Variants in CRISPLD2 observed in about 807,000 individuals in gnomAD.
The protein encoded by CRISPLD2 is cysteine-rich secretory protein LCCL domain-containing 2.
A neutral mutation model predicts 71.1 loss-of-function variants in CRISPLD2; 47 were observed. The ratio of observed to expected loss-of-function variants is 0.66; its 90% CI spans 0.52 to 0.84. CRISPLD2 has a LOEUF of 0.84. CRISPLD2 is among the 40% of genes least tolerant of loss of function. The probability of loss-of-function intolerance (pLI) is 0.00; values close to 1 mark genes in which losing one functional copy is unlikely to be tolerated. For synonymous variants in CRISPLD2, 317 were observed against 250.1 expected (o/e 1.27, Z -2.52); for missense variants, 830 against 651.1 (o/e 1.27, Z -2.99).
intron 11 of CRISPLD2, 78 bp from the exon 12 acceptor site, chr16:84,877,360 T>G: frequency 7.7e-7 from 1 of 1,299,864 alleles, no homozygotes; most frequent in Non-Finnish European, 1.1e-6. Flanking sequence ...GGTAGTCTAG[T>G]GGCCCATTGC....
At chr16:84,852,085 T>C (rs1162038629) in intron 5 of CRISPLD2, among the ~76,000 whole-genome samples, 4 of 152,192 alleles carry the variant, frequency 2.6e-5, no homozygotes, top group African/African-American at 9.7e-5. Flanking sequence ...GGGAGCTCTC[T>C]TCCTGGCTCA....
At chr16:84,892,179 A>C (rs1269399199) in intron 14 of CRISPLD2, among the ~76,000 whole-genome samples, 1 of 152,162 alleles carries the variant, frequency 6.6e-6, no homozygotes, top group Non-Finnish European at 1.5e-5. Flanking sequence ...TCCCCAGGCC[A>C]ACAGTGTCCA....
chr16:84,886,984 G>T (rs1363289573), intron 13 of CRISPLD2, among the ~76,000 whole-genome samples: 5 of 152,108 alleles, frequency 3.3e-5, no homozygotes, highest in African/African-American at 4.8e-5. Context: ...CTTCCCCTCC[G>T]CCAGCCCCTG....
At position 84,867,030 on chromosome 16, in the gene CRISPLD2, C is replaced by T. The variant is rs1248250665; in HGVS notation, c.843C>T (p.Val281=). 6.2e-7 allele frequency: 1 copy of T among 1,614,082 alleles called. No individual in the cohort carries two copies. Among genetic ancestry groups the T allele is most frequent in the East Asian group, 2.2e-5 (1 of 44,866 alleles). Residue 281 remains valine, a synonymous_variant, in exon 7 of 15, where the codon GTC becomes GTT. Transcript: ENST00000262424. ...RPTKPKKTSA[V]NYMTQVVRCD... Reference sequence around the variant, plus strand: ...CCAAGCCCAAGAAAACCTCTGCGGTCAACTACATGAGTGAGTCTAGGCCGT... The same window carrying T: ...CCAAGCCCAAGAAAACCTCTGCGGTTAACTACATGAGTGAGTCTAGGCCGT...
chr16:84,831,688 G>A (rs368375858), intron 1 of CRISPLD2, among the ~76,000 whole-genome samples: 2 of 152,162 alleles, frequency 1.3e-5, no homozygotes, highest in East Asian at 3.9e-4. Context: ...TTATAGATGT[G>A]AGTCACCGCA....
At chr16:84,889,441 G>C (rs2071642068) in intron 14 of CRISPLD2, 78 bp downstream of exon 14, 7 of 1,459,628 alleles carry the variant, frequency 4.8e-6, no homozygotes, top group South Asian at 1.3e-5. Context: ...AAGAGGCCCA[G>C]AGTCATTACC....
chr16:84,868,769 AGAATGTCCCT>A (rs1917611098), intron 7 of CRISPLD2, 72 bp from the exon 8 acceptor site: 1 of 1,119,568 alleles, frequency 8.9e-7, no homozygotes. Context: ...AGAATGTTCC[AGAATGTCCCT>A]CAGCATGGGG....
intron 13 of CRISPLD2, among the ~76,000 whole-genome samples, chr16:84,885,708 T>C (rs1348114397): frequency 1.3e-5 from 2 of 152,242 alleles, no homozygotes; most frequent in Non-Finnish European, 2.9e-5. Context: ...AATCCACTTT[T>C]CAGGTCTTTG....
chr16:84,871,827 C>T (rs1254305364), intron 8 of CRISPLD2, among the ~76,000 whole-genome samples: 1 of 128,702 alleles, frequency 7.8e-6, no homozygotes. Context: ...GCTGGGATTA[C>T]AGGTGTGAGC....
In CRISPLD2 at chr16:84,855,484, C is replaced by G. The variant is rs1250037874; in HGVS notation, c.709+655C>G. Among the ~76,000 whole-genome samples, 5 of 152,172 alleles carry G rather than the reference C, an allele frequency of 3.3e-5. No homozygotes were observed. The South Asian group carries it at 6.2e-4, about 19-fold the overall frequency. On this transcript the variant is annotated intron_variant, in intron 6 of 14. Transcript: ENST00000262424. ...GCTCCCAGTCTCCACCTAAGTCAGT[C>G]TAGTCTTTTCACATTTTTCTGCCTG... is the stretch of plus-strand genomic sequence containing the variant.
chr16:84,830,027 T>C (rs1283862687), intron 1 of CRISPLD2, among the ~76,000 whole-genome samples: 2 of 152,188 alleles, frequency 1.3e-5, no homozygotes, highest in Non-Finnish European at 2.9e-5. Context: ...TGAGAGCTGA[T>C]AGTTACATTT....
rs1436186938 is a variant in CRISPLD2 at position 84,838,703 on chromosome 16, G to T, written c.208G>T (p.Val70Leu). 6.2e-7 allele frequency: 1 copy of T among 1,614,070 alleles called. No individual in the cohort carries two copies. The highest frequency in any genetic ancestry group is 8.5e-7 in the Non-Finnish European group (1 of 1,180,040). The change falls in exon 2 of 15, where the codon GTG (valine) becomes TTG (leucine). Residue 70 changes from valine (V) to leucine (L), a missense_variant. Transcript: ENST00000262424. ...GCTGCACAACAAGCTTCGGGGCCAG[G>T]TGCAGCCTCAGGCCTCCAACATGGA... Reference protein sequence around the residue: ...LMLHNKLRGQVQPQASNMEYM... With the variant: ...LMLHNKLRGQLQPQASNMEYM...
intron 14 of CRISPLD2, among the ~76,000 whole-genome samples, chr16:84,899,038 G>A (rs962931199): frequency 1.1e-4 from 17 of 152,168 alleles, no homozygotes; most frequent in African/African-American, 2.2e-4. Context: ...GACCACAGGC[G>A]TGCACCACCA....
At chr16:84,890,870 C>G (rs909728490) in intron 14 of CRISPLD2, among the ~76,000 whole-genome samples, 2 of 152,140 alleles carry the variant, frequency 1.3e-5, no homozygotes, top group Non-Finnish European at 2.9e-5. Context: ...GAGTGTCATT[C>G]AGAAAGGGCA....
intron 14 of CRISPLD2, among the ~76,000 whole-genome samples, chr16:84,896,186 C>T (rs1009720868): frequency 3.3e-5 from 5 of 151,808 alleles, no homozygotes; most frequent in African/African-American, 7.3e-5. Flanking sequence ...TACAGGCACC[C>T]GCCACCACAC....
intron 2 of CRISPLD2, among the ~76,000 whole-genome samples, chr16:84,841,544 G>T (rs200189704): frequency 6.7e-6 from 1 of 149,314 alleles, no homozygotes; most frequent in Admixed American, 6.6e-5. Flanking sequence ...GGGTAAAAAA[G>T]AAAAAAAAAG....
At chr16:84,848,278 G>C (rs550948663) in intron 3 of CRISPLD2, among the ~76,000 whole-genome samples, 1 of 152,176 alleles carries the variant, frequency 6.6e-6, no homozygotes, top group African/African-American at 2.4e-5. Flanking sequence ...GCCCGCTGCC[G>C]TGCGCTCCGC....
intron 6 of CRISPLD2, among the ~76,000 whole-genome samples, chr16:84,865,400 C>T (rs1050237747): frequency 2.6e-5 from 4 of 152,230 alleles, no homozygotes; most frequent in Non-Finnish European, 1.5e-5. Flanking sequence ...ATGCAATCCA[C>T]CCGCCTCGGC....
intron 6 of CRISPLD2, among the ~76,000 whole-genome samples, chr16:84,865,500 C>T (rs2968142): frequency 0.013 from 2,022 of 152,256 alleles, 47 homozygotes; most frequent in African/African-American, 0.045. Flanking sequence ...GACCTGCGAG[C>T]GTGCTCTAGT....
Sources: gnomAD v4.1 joint callset for allele counts (sites outside exome capture counted in the v4.1 genomes callset) on GRCh38, gnomAD v4.1.1 for gene constraint, MANE v1.5 for transcripts, NCBI Gene and HGNC (gene_info 2026-07-23, HGNC 2026-07-21) for gene names.